The following STK3 variants were observed in gnomAD, a reference collection of about 807,000 sequenced individuals.
The protein encoded by STK3 is serine/threonine-protein kinase 3.
In STK3, 41 loss-of-function variants were observed where a neutral mutation model predicts 58.0. That is an observed-to-expected ratio of 0.71 (90% CI 0.55 to 0.92). The LOEUF (loss-of-function observed/expected upper bound fraction) is 0.92. STK3 is among the 40% of genes least tolerant of loss of function. STK3 has a pLI of 0.00. For missense variants in STK3, 479 were observed against 602.7 expected, an observed-to-expected ratio of 0.79 and a Z score of 2.15; for synonymous variants, 170 against 191.0, an observed-to-expected ratio of 0.89 and a Z score of 0.91.
intron 3 of STK3, among the ~76,000 whole-genome samples, chr8:98,393,297 C>T (rs191461844): frequency 2.0e-5 from 3 of 152,270 alleles, no homozygotes; most frequent in Admixed American, 2.0e-4. Flanking sequence ...TGACCCTGGG[C>T]CTGTCACTCC....
At chr8:98,728,515 C>T (rs1827949007) in intron 4 of STK3, among the ~76,000 whole-genome samples, 1 of 152,022 alleles carries the variant, frequency 6.6e-6, no homozygotes, top group Non-Finnish European at 1.5e-5. Flanking sequence ...TATATATATA[C>T]AAGCTGCTTA....
At chr8:98,856,362 G>T (rs1398672708) in intron 3 of STK3, among the ~76,000 whole-genome samples, 1 of 147,476 alleles carries the variant, frequency 6.8e-6, no homozygotes, top group African/African-American at 2.5e-5. Context: ...ATAATAAAAA[G>T]CCAAATAACA....
At chr8:98,925,611 T>A (rs1482026142) in intron 1 of STK3, among the ~76,000 whole-genome samples, 1 of 152,204 alleles carries the variant, frequency 6.6e-6, no homozygotes. Context: ...CCTCTAATTT[T>A]AAAGATTTTT....
At chr8:98,891,742 A>G (rs1364765086) in intron 1 of STK3, among the ~76,000 whole-genome samples, 1 of 152,162 alleles carries the variant, frequency 6.6e-6, no homozygotes, top group Non-Finnish European at 1.5e-5. Flanking sequence ...AAGTGCTTCC[A>G]CTATAAACAG....
chr8:98,446,836 C>T (rs1818971569), intron 1 of STK3, among the ~76,000 whole-genome samples: 1 of 152,106 alleles, frequency 6.6e-6, no homozygotes. Flanking sequence ...TGGATTCAAC[C>T]TAAATGCCCA....
intron 6 of STK3, among the ~76,000 whole-genome samples, chr8:98,662,266 A>G (rs1203630927): frequency 6.6e-6 from 1 of 152,200 alleles, no homozygotes; most frequent in Non-Finnish European, 1.5e-5. Context: ...AAAATAAGTA[A>G]ATCGATATAC....
intron 6 of STK3, among the ~76,000 whole-genome samples, chr8:98,650,455 G>C (rs151330012): frequency 2.6e-5 from 4 of 152,256 alleles, no homozygotes; most frequent in Non-Finnish European, 5.9e-5. Flanking sequence ...GAGGTACCGG[G>C]TTCACCTCAC....
At chr8:98,554,885 G>GT (rs1037274456) in intron 8 of STK3, among the ~76,000 whole-genome samples, 1 of 152,098 alleles carries the variant, frequency 6.6e-6, no homozygotes, top group Admixed American at 6.5e-5. Flanking sequence ...AAACATTTAT[G>GT]TTTTTTCAAA....
chr8:98,811,843 G>T (rs1834242856), intron 1 of STK3, among the ~76,000 whole-genome samples: 1 of 152,204 alleles, frequency 6.6e-6, no homozygotes, highest in Admixed American at 6.5e-5. Context: ...TGTTTTTTGA[G>T]ACGAAGTCTT....
intron 10 of STK3, among the ~76,000 whole-genome samples, chr8:98,471,742 G>A (rs1162808865): frequency 3.9e-5 from 6 of 152,078 alleles, no homozygotes; most frequent in Admixed American, 3.9e-4. Flanking sequence ...AGACAAGGAA[G>A]GAATCACCAG....
chr8:98,442,533 T>C (rs887362105), intron 1 of STK3, among the ~76,000 whole-genome samples: 2 of 152,224 alleles, frequency 1.3e-5, no homozygotes, highest in Admixed American at 6.5e-5. Flanking sequence ...AGTGTAGGAA[T>C]AAGGACAGAG....
Position 98,469,558 on chromosome 8 carries a change from C to T in STK3, c.1318-13558G>A, listed in dbSNP as rs1820762244. ...AGAGAACTGAGGTTGGGGGACAGCA[C>T]AAAGAATGGCTGATCTTACTTTACA... is the stretch of plus-strand genomic sequence containing the variant. On this transcript the variant is annotated intron_variant, in intron 10 of 10. Coordinates refer to ENST00000419617, the MANE Select transcript of STK3 (RefSeq NM_006281.4). 2.0e-5 allele frequency among the ~76,000 whole-genome samples: 3 copies of T among 152,236 alleles called. No individual in the cohort carries two copies. In the South Asian group the frequency reaches 6.2e-4, roughly 32 times the overall value.
At chr8:98,488,645 A>T (rs1822457180) in intron 10 of STK3, among the ~76,000 whole-genome samples, 1 of 152,196 alleles carries the variant, frequency 6.6e-6, no homozygotes. Context: ...TGAACTACTG[A>T]CAGAAATTTA....
intron 6 of STK3, among the ~76,000 whole-genome samples, chr8:98,682,053 G>T (rs1259150055): frequency 6.6e-6 from 1 of 152,168 alleles, no homozygotes; most frequent in Non-Finnish European, 1.5e-5. Context: ...GCAAGATCCA[G>T]AAAAAGCAAT....
At chr8:98,707,002 T>C in intron 5 of STK3, 145 bp downstream of exon 5, 1 of 744,448 alleles carries the variant, frequency 1.3e-6, no homozygotes, top group Middle Eastern at 3.7e-4. Context: ...ATACTCAAAT[T>C]TGGCTCAATT....
intron 10 of STK3, among the ~76,000 whole-genome samples, chr8:98,489,914 A>T (rs533883706): frequency 6.6e-6 from 1 of 152,170 alleles, no homozygotes; most frequent in South Asian, 2.1e-4. Context: ...AAAGAAAAAA[A>T]CACCTGAAAT....
intron 1 of STK3, among the ~76,000 whole-genome samples, chr8:98,444,143 T>C (rs1818832221): frequency 6.6e-6 from 1 of 151,734 alleles, no homozygotes; most frequent in Non-Finnish European, 1.5e-5. Flanking sequence ...GACAGAAGAG[T>C]AAGTAGATAC....
At chr8:98,723,231 TA>T (rs1009936639) in intron 4 of STK3, among the ~76,000 whole-genome samples, 8 of 152,146 alleles carry the variant, frequency 5.3e-5, no homozygotes, top group African/African-American at 1.9e-4. Context: ...CAATCAGGGA[TA>T]AAAGTAAGAC....
intron 10 of STK3, among the ~76,000 whole-genome samples, chr8:98,481,635 C>T (rs1402089263): frequency 1.3e-5 from 2 of 150,588 alleles, no homozygotes; most frequent in East Asian, 4.0e-4. Context: ...GTACACTATT[C>T]GGGTGATGGG....
Sources: gnomAD v4.1 joint callset for allele counts (sites outside exome capture counted in the v4.1 genomes callset) on GRCh38, gnomAD v4.1.1 for gene constraint, MANE v1.5 for transcripts, NCBI Gene and HGNC (gene_info 2026-07-23, HGNC 2026-07-21) for gene names.